Variants in KCTD16 observed in about 807,000 individuals in gnomAD.
KCTD16 encodes the protein potassium channel tetramerization domain containing 16, also known as BTB/POZ domain-containing protein KCTD16.
In KCTD16, 13 loss-of-function variants were observed where a neutral mutation model predicts 33.2. The ratio of observed to expected loss-of-function variants is 0.39; its 90% CI spans 0.25 to 0.62. The LOEUF is 0.62. Among genes scored for constraint, KCTD16 ranks in the 20% least tolerant of loss-of-function variants. The pLI, the probability that KCTD16 is intolerant of heterozygous loss-of-function variation, is 0.50. For synonymous variants in KCTD16, 197 were observed against 195.3 expected (o/e 1.01, Z -0.07); for missense variants, 441 against 525.1 (o/e 0.84, Z 1.57).
At chr5:144,313,418 C>T (rs1156546856) in intron 3 of KCTD16, among the ~76,000 whole-genome samples, 1 of 152,028 alleles carries the variant, frequency 6.6e-6, no homozygotes, top group Non-Finnish European at 1.5e-5. Flanking sequence ...ATCTTGGAGC[C>T]CCTGTTTCAT....
intron 3 of KCTD16, among the ~76,000 whole-genome samples, chr5:144,345,651 C>G (rs1752777782): frequency 6.6e-6 from 1 of 152,056 alleles, no homozygotes; most frequent in Non-Finnish European, 1.5e-5. Context: ...AAGAGTCCTG[C>G]TGTTAGGGAA....
intron 3 of KCTD16, among the ~76,000 whole-genome samples, chr5:144,323,087 A>C (rs1752116618): frequency 6.6e-6 from 1 of 152,142 alleles, no homozygotes; most frequent in Non-Finnish European, 1.5e-5. Context: ...AACTAACAGA[A>C]AAAGGAAGTG....
chr5:144,387,649 T>C (rs1401686324), intron 3 of KCTD16, among the ~76,000 whole-genome samples: 1 of 152,162 alleles, frequency 6.6e-6, no homozygotes, highest in African/African-American at 2.4e-5. Flanking sequence ...GAGGTCTCTA[T>C]TGAGATCTGA....
intron 3 of KCTD16, among the ~76,000 whole-genome samples, chr5:144,451,374 TTGTC>T (rs1185847128): frequency 6.6e-6 from 1 of 152,146 alleles, no homozygotes; most frequent in Non-Finnish European, 1.5e-5. Context: ...TGGTGATTCT[TTGTC>T]TGTTTGGGTG....
intron 2 of KCTD16, among the ~76,000 whole-genome samples, chr5:144,189,487 C>G (rs1346240073): frequency 7.8e-6 from 1 of 127,448 alleles, no homozygotes; most frequent in African/African-American, 3.2e-5. Flanking sequence ...CAGAGTGAGA[C>G]TCCATCTCAA....
chr5:144,482,807 A>G lies in KCTD16; in HGVS notation c.*8693A>G, dbSNP rs1281376900. 1 of 151,786 alleles carries G rather than the reference A, an allele frequency of 6.6e-6. No individual in the cohort carries two copies. The highest frequency in any genetic ancestry group is 2.4e-5 in the African/African-American group (1 of 41,354). The allele number at this position is 151,786 out of a possible 1,614,324, so 9.4% of individuals were successfully genotyped here. A position where few individuals can be genotyped will look rare whatever the true frequency, so the allele number is the denominator to read the frequency against. ...TCTTAATGTGTATATATAAATATAT[A>G]TCTATAGCTGTACATATGTATACAC... On this transcript the variant is annotated 3_prime_UTR_variant, in exon 4 of 4. Transcript: ENST00000512467.
chr5:144,364,947 T>C (rs1238568970), intron 3 of KCTD16, among the ~76,000 whole-genome samples: 1 of 152,176 alleles, frequency 6.6e-6, no homozygotes, highest in African/African-American at 2.4e-5. Context: ...ATCCTACTTA[T>C]GGCTGTTTTA....
At chr5:144,471,017 A>G (rs1422213102) in intron 3 of KCTD16, among the ~76,000 whole-genome samples, 1 of 152,116 alleles carries the variant, frequency 6.6e-6, no homozygotes, top group African/African-American at 2.4e-5. Flanking sequence ...CTCTCTACTG[A>G]ACATACCAAA....
chr5:144,452,146 TTA>T (rs140891816), intron 3 of KCTD16, among the ~76,000 whole-genome samples: 61 of 138,086 alleles, frequency 4.4e-4, no homozygotes, highest in Non-Finnish European at 6.7e-4. Context: ...ATATATAATA[TTA>T]TATATATATA....
At chr5:144,317,364 A>C (rs1751947291) in intron 3 of KCTD16, among the ~76,000 whole-genome samples, 1 of 152,178 alleles carries the variant, frequency 6.6e-6, no homozygotes, top group South Asian at 2.1e-4. Flanking sequence ...AGTATTTCTC[A>C]AAGTGTGGTC....
intron 3 of KCTD16, among the ~76,000 whole-genome samples, chr5:144,437,343 A>T (rs922825511): frequency 6.6e-6 from 1 of 152,222 alleles, no homozygotes; most frequent in South Asian, 2.1e-4. Flanking sequence ...CTTCAGCAAG[A>T]CCACGGAGCA....
At chr5:144,431,450 TA>T (rs1312150653) in intron 3 of KCTD16, among the ~76,000 whole-genome samples, 1 of 152,312 alleles carries the variant, frequency 6.6e-6, no homozygotes, top group East Asian at 1.9e-4. Flanking sequence ...TGTAGTTAAA[TA>T]ATTTACCAGT....
chr5:144,241,417 T>C (rs1754400968), intron 3 of KCTD16, among the ~76,000 whole-genome samples: 1 of 152,138 alleles, frequency 6.6e-6, no homozygotes, highest in South Asian at 2.1e-4. Context: ...ACAAGACCCT[T>C]TGGATTTTAC....
In KCTD16 at chr5:144,231,314, G is replaced by A. The variant is rs150051400; in HGVS notation, c.832+23768G>A. Among the ~76,000 whole-genome samples, 529 of 151,998 alleles carry A rather than the reference G, an allele frequency of 3.5e-3. 4 individuals are homozygous for A. The highest frequency in any genetic ancestry group is 0.012 in the African/African-American group (505 of 41,432). Reference sequence around the variant, plus strand: ...CCATGTATTTGATTAAAAATATAGTGAGCACATACTCTCTATCAAGTATGC... The same window carrying A: ...CCATGTATTTGATTAAAAATATAGTAAGCACATACTCTCTATCAAGTATGC... On this transcript the variant is annotated intron_variant, in intron 3 of 3. Transcript: ENST00000512467.
At chr5:144,344,896 A>T (rs1580889232) in intron 3 of KCTD16, among the ~76,000 whole-genome samples, 1 of 151,716 alleles carries the variant, frequency 6.6e-6, no homozygotes, top group East Asian at 1.9e-4. Context: ...CTATAAAGAG[A>T]CATGCACACG....
chr5:144,340,976 T>A (rs530363354), intron 3 of KCTD16, among the ~76,000 whole-genome samples: 1 of 151,558 alleles, frequency 6.6e-6, no homozygotes, highest in African/African-American at 2.4e-5. Flanking sequence ...ACCCAGGAGG[T>A]AGAGGTTGCA....
chr5:144,226,843 G>A (rs1753947599), intron 3 of KCTD16, among the ~76,000 whole-genome samples: 1 of 152,330 alleles, frequency 6.6e-6, no homozygotes, highest in Non-Finnish European at 1.5e-5. Context: ...AAAATGCTGG[G>A]ATTACAGGTG....
intron 3 of KCTD16, among the ~76,000 whole-genome samples, chr5:144,230,307 G>T (rs1181286110): frequency 6.6e-6 from 1 of 152,138 alleles, no homozygotes; most frequent in African/African-American, 2.4e-5. Flanking sequence ...ATGCTTTATT[G>T]TATCTTGCCC....
At chr5:144,333,430 C>T (rs1432083038) in intron 3 of KCTD16, among the ~76,000 whole-genome samples, 1 of 152,148 alleles carries the variant, frequency 6.6e-6, no homozygotes, top group Non-Finnish European at 1.5e-5. Context: ...TGAAAAGAAT[C>T]CACCCAGAAT....
Sources: allele counts gnomAD v4.1 joint callset (sites outside exome capture counted in the v4.1 genomes callset), GRCh38; gene constraint gnomAD v4.1.1; transcripts MANE v1.5; gene names NCBI Gene and HGNC (gene_info 2026-07-23, HGNC 2026-07-21).